Variants in ATAD2B observed in about 807,000 individuals in gnomAD.
The protein encoded by ATAD2B is ATPase family AAA domain-containing protein 2B.
ATAD2B carries 40 observed loss-of-function variants against 167.6 expected under a neutral mutation model. That is an observed-to-expected ratio of 0.24 (90% CI 0.19 to 0.31). The LOEUF (loss-of-function observed/expected upper bound fraction) is 0.31. Among genes scored for constraint, ATAD2B ranks in the 10% least tolerant of loss-of-function variants. The pLI is 1.00. For missense variants in ATAD2B, 1,242 were observed against 1,757.2 expected (o/e 0.71, Z 5.24); for synonymous variants, 579 against 596.5 (o/e 0.97, Z 0.43).
intron 22 of ATAD2B, among the ~76,000 whole-genome samples, chr2:23,768,491 A>G (rs1018766618): frequency 4.0e-5 from 6 of 151,896 alleles, no homozygotes; most frequent in Admixed American, 3.9e-4. Context: ...GGATCGCTTG[A>G]GCCCAAGGGA....
At chr2:23,799,582 AAAAAAAAG>A (rs894263224) in intron 18 of ATAD2B, among the ~76,000 whole-genome samples, 4 of 149,218 alleles carry the variant, frequency 2.7e-5, no homozygotes, top group African/African-American at 5.0e-5. Flanking sequence ...AAAAAAAAAA[AAAAAAAAG>A]AAAAGAAAAA....
the ATAD2B span, among the ~76,000 whole-genome samples, chr2:23,734,036 C>T: frequency 3.9e-5 from 6 of 152,034 alleles, no homozygotes; most frequent in African/African-American, 9.7e-5. Flanking sequence ...TTTGAGATGC[C>T]GTTAAGATAA....
chr2:23,713,184 G>A, the ATAD2B span, among the ~76,000 whole-genome samples: 1 of 152,230 alleles, frequency 6.6e-6, no homozygotes, highest in Non-Finnish European at 1.5e-5. Context: ...CAGCGAAGCT[G>A]GCCACTGCTC....
In ATAD2B at chr2:23,810,273, G is replaced by A. The variant is rs753235548; in HGVS notation, c.2454+43C>T. Reference sequence around the variant, plus strand: ...CACTAGAAATACTACCAAATTATAAGCAATAAGAAAGTTGGAAGTGCTCTG... The same window carrying A: ...CACTAGAAATACTACCAAATTATAAACAATAAGAAAGTTGGAAGTGCTCTG... On this transcript the variant is annotated intron_variant, in intron 18 of 27. Coordinates refer to ENST00000238789, the MANE Select transcript of ATAD2B (RefSeq NM_017552.4). 10 of 1,514,346 alleles carry A rather than the reference G, an allele frequency of 6.6e-6. No individual in the cohort carries two copies. In the Admixed American group the frequency reaches 1.6e-4, roughly 24 times the overall value. The allele number at this position is 1,514,346 out of a possible 1,614,324, so 93.8% of individuals were successfully genotyped here. A position where few individuals can be genotyped will look rare whatever the true frequency, so the allele number is the denominator to read the frequency against.
chr2:23,691,781 C>T, the ATAD2B span: 1 of 1,551,734 alleles, frequency 6.4e-7, no homozygotes, highest in Middle Eastern at 1.7e-4. Context: ...TACACGGGCT[C>T]CCTGGTCATC....
At chr2:23,682,112 C>T in the ATAD2B span, among the ~76,000 whole-genome samples, 1 of 152,146 alleles carries the variant, frequency 6.6e-6, no homozygotes, top group Admixed American at 6.5e-5. The surrounding 1 kb of genome is among the most constrained non-coding windows in gnomAD (Gnocchi z 4.1). Flanking sequence ...CTCCATGCCT[C>T]CCCCTCCCCA....
At chr2:23,832,118 C>A in intron 14 of ATAD2B, 1 of 412,038 alleles carries the variant, frequency 2.4e-6, no homozygotes, top group South Asian at 1.8e-5. Flanking sequence ...GACTTAGCAA[C>A]ACGTGACATG....
intron 1 of ATAD2B, among the ~76,000 whole-genome samples, chr2:23,925,508 G>A (rs940326954): frequency 6.6e-6 from 1 of 152,130 alleles, no homozygotes; most frequent in African/African-American, 2.4e-5. Flanking sequence ...GGAATTAAAG[G>A]AGCATTTTAA....
chr2:23,762,580 G>A (rs1231246222), intron 23 of ATAD2B, among the ~76,000 whole-genome samples: 1 of 151,912 alleles, frequency 6.6e-6, no homozygotes, highest in East Asian at 1.9e-4. Context: ...ATCCCCAAAG[G>A]GGCCCTATTT....
chr2:23,696,305 C>T, the ATAD2B span: 53 of 1,549,836 alleles, frequency 3.4e-5, 1 homozygote, highest in East Asian at 3.4e-4. The surrounding 1 kb of genome is among the most constrained non-coding windows in gnomAD (Gnocchi z 5.5). Flanking sequence ...ACCCCGCCCG[C>T]TCTCTCTGCC....
At chr2:23,820,521 T>C (rs960824664) in intron 16 of ATAD2B, among the ~76,000 whole-genome samples, 1 of 152,224 alleles carries the variant, frequency 6.6e-6, no homozygotes. Flanking sequence ...CCACCTGAAG[T>C]ATGAACAGCT....
chr2:23,703,659 A>G, the ATAD2B span: 5 of 1,475,330 alleles, frequency 3.4e-6, no homozygotes, highest in East Asian at 1.2e-4. Flanking sequence ...TCTGGGAAAG[A>G]AAAGGAGAGG....
At chr2:23,776,084 C>A (rs763584755) in intron 22 of ATAD2B, among the ~76,000 whole-genome samples, 18 of 152,288 alleles carry the variant, frequency 1.2e-4, no homozygotes, top group Non-Finnish European at 2.4e-4. Flanking sequence ...CCACTGTACT[C>A]CAGCCTGGCA....
At chr2:23,754,115 C>T in intron 27 of ATAD2B, 64 bp downstream of exon 27, 5 of 1,354,000 alleles carry the variant, frequency 3.7e-6, no homozygotes, top group African/African-American at 1.5e-5. Context: ...ACTTTTTTTC[C>T]TCTTTTCTTT....
intron 1 of ATAD2B, among the ~76,000 whole-genome samples, chr2:23,899,694 G>T (rs1296011458): frequency 6.6e-6 from 1 of 151,994 alleles, no homozygotes; most frequent in African/African-American, 2.4e-5. Flanking sequence ...GGGTTCAAGC[G>T]ATTATCCTGC....
At chr2:23,736,413 C>T in the ATAD2B span, among the ~76,000 whole-genome samples, 1 of 152,052 alleles carries the variant, frequency 6.6e-6, no homozygotes, top group Non-Finnish European at 1.5e-5. Context: ...TAATACTAAA[C>T]AGGAACCAAA....
At chr2:23,881,550 A>G (rs577940319) in intron 6 of ATAD2B, among the ~76,000 whole-genome samples, 3 of 150,680 alleles carry the variant, frequency 2.0e-5, no homozygotes, top group Admixed American at 6.6e-5. Flanking sequence ...TTTAGTAGAG[A>G]TGGGGTTTCA....
chr2:23,831,269 T>A (rs935688475), intron 14 of ATAD2B, among the ~76,000 whole-genome samples: 2 of 152,258 alleles, frequency 1.3e-5, no homozygotes, highest in Middle Eastern at 3.4e-3. Context: ...ATAAAAATGA[T>A]GATAAAGGAA....
the ATAD2B span, among the ~76,000 whole-genome samples, chr2:23,718,099 A>T: frequency 6.6e-6 from 1 of 152,358 alleles, no homozygotes; most frequent in Middle Eastern, 3.4e-3. Context: ...AAAAATCTTG[A>T]ACAGGAGACA....
Sources: gnomAD v4.1 joint callset for allele counts (sites outside exome capture counted in the v4.1 genomes callset) on GRCh38, gnomAD v4.1.1 for gene constraint, Gnocchi (gnomAD v3.1) non-coding constraint, MANE v1.5 for transcripts, NCBI Gene and HGNC (gene_info 2026-07-23, HGNC 2026-07-21) for gene names.